The following C14orf180 variants were observed in gnomAD, a reference collection of about 807,000 sequenced individuals.
C14orf180 encodes nutritionally-regulated adipose and cardiac enriched protein homolog.
Under a neutral mutation model 13.9 loss-of-function variants are expected in C14orf180, and 13 were observed. The observed-to-expected ratio is 0.94, with a 90% CI of 0.61 to 1.49. The LOEUF (loss-of-function observed/expected upper bound fraction) is 1.49. Among genes scored for constraint, C14orf180 ranks in the 40% most tolerant of loss-of-function variants. The probability of loss-of-function intolerance (pLI) is 0.00; values close to 1 mark genes in which losing one functional copy is unlikely to be tolerated. For synonymous variants in C14orf180, 113 were observed against 106.3 expected, an observed-to-expected ratio of 1.06 and a Z score of -0.39; for missense variants, 238 against 232.0, an observed-to-expected ratio of 1.03 and a Z score of -0.17.
chr14:104,589,496 C>G lies in C14orf180; in HGVS notation c.*713C>G, dbSNP rs1886772900. The G allele has an allele frequency of 6.5e-6, 1 of 152,782 alleles. No homozygotes were observed. The highest frequency in any genetic ancestry group is 2.4e-5 in the African/African-American group (1 of 41,452). The allele number at this position is 152,782 out of a possible 1,614,324, so 9.5% of individuals were successfully genotyped here. A position where few individuals can be genotyped will look rare whatever the true frequency, so the allele number is the denominator to read the frequency against. ...AGCTCTGCAGGCCAGGCACACCCAG[C>G]TGAGCCCGGGGCCAGCCAGCACCAC... On this transcript the variant is annotated 3_prime_UTR_variant, in exon 5 of 5. Transcript: ENST00000557649. The surrounding 1 kb of genome is among the most constrained non-coding windows in gnomAD (Gnocchi z 4.9).
At position 104,588,308 on chromosome 14, in the gene C14orf180, G is replaced by A. The variant is rs1219114884; in HGVS notation, c.276G>A (p.Arg92=). 1.2e-6 allele frequency: 2 copies of A among 1,613,988 alleles called. No homozygotes were observed. The highest frequency in any genetic ancestry group is 4.5e-5 in the East Asian group (2 of 44,874). Residue 92 remains arginine (R), a splice_region_variant and synonymous_variant, in exon 4 of 5, where the codon AGG becomes AGA. Transcript: ENST00000557649. ...IADKNATATV[R]VPGRPRPHGG... ...ACAAGAACGCCACAGCCACTGTCAGGGGTGAGTTCTGAGCCCACATCCCTG... is the reference window on the plus strand; with the variant it reads ...ACAAGAACGCCACAGCCACTGTCAGAGGTGAGTTCTGAGCCCACATCCCTG...
chr14:104,588,541 C>T, intron 4 of C14orf180, 37 bp from the exon 5 acceptor site: 1 of 1,441,712 alleles, frequency 6.9e-7, no homozygotes, highest in Non-Finnish European at 9.1e-7. Flanking sequence ...AAGGGTCGCG[C>T]TGGCTGGCGC....
At position 104,588,452 on chromosome 14, in the gene C14orf180, A is replaced by C. The variant is rs535846589; in HGVS notation, c.278-126A>C. 13 of 1,484,002 alleles carry C rather than the reference A, an allele frequency of 8.8e-6. No individual in the cohort carries two copies. The South Asian group carries it at 1.2e-4, about 14-fold the overall frequency. The allele number at this position is 1,484,002 out of a possible 1,614,324, so 91.9% of individuals were successfully genotyped here. A position where few individuals can be genotyped will look rare whatever the true frequency, so the allele number is the denominator to read the frequency against. On this transcript the variant is annotated intron_variant, in intron 4 of 4. Transcript: ENST00000557649. ...GGAGCTCTTGTTGCAAGGAGACCCC[A>C]AGAGGCTAGGGAGGGGCCATGGGCA...
chr14:104,587,916 G>T, intron 3 of C14orf180, 38 bp downstream of exon 3: 2 of 1,580,210 alleles, frequency 1.3e-6, no homozygotes, highest in Non-Finnish European at 8.6e-7. Flanking sequence ...GGGAGAGGGT[G>T]GAGTCAAGCA....
intron 3 of C14orf180, 51 bp downstream of exon 3, chr14:104,587,929 G>C (rs1280527693): frequency 6.4e-7 from 1 of 1,556,018 alleles, no homozygotes; most frequent in Non-Finnish European, 8.7e-7. Flanking sequence ...GTCAAGCAGA[G>C]GGAGGCGGGG....
intron 1 of C14orf180, among the ~76,000 whole-genome samples, chr14:104,584,705 C>T (rs1416238740): frequency 6.6e-6 from 1 of 152,206 alleles, no homozygotes; most frequent in African/African-American, 2.4e-5. Context: ...GATAAGCCGC[C>T]CCTCCCCGCC....
rs1886780556 is a variant in C14orf180, at chr14:104,589,672, C to T, written c.*889C>T. Reference sequence around the variant, plus strand: ...GAGGGCTGAACAAAGCAGGGAGGCCCACGGTTAGACACCAGGCAGAACTGC... The same window carrying T: ...GAGGGCTGAACAAAGCAGGGAGGCCTACGGTTAGACACCAGGCAGAACTGC... On this transcript the variant is annotated 3_prime_UTR_variant, in exon 5 of 5. Coordinates refer to ENST00000557649, the MANE Select transcript of C14orf180 (RefSeq NM_001008404.3). This position sits in a 1 kb window ranked among gnomAD's most constrained non-coding sequence, Gnocchi z 4.9. 6.6e-6 allele frequency: 1 copy of T among 152,614 alleles called. No individual in the cohort carries two copies. Among genetic ancestry groups the T allele is most frequent in the South Asian group, 2.1e-4 (1 of 4,832 alleles). The allele number at this position is 152,614 out of a possible 1,614,324, so 9.5% of individuals were successfully genotyped here. A position where few individuals can be genotyped will look rare whatever the true frequency, so the allele number is the denominator to read the frequency against.
rs556492775 is a variant in C14orf180, at chr14:104,581,942, C to T, written c.-17+1939C>T. 2.8e-4 allele frequency among the ~76,000 whole-genome samples: 43 copies of T among 151,528 alleles called. No homozygotes were observed. In the South Asian group the frequency reaches 7.8e-3, roughly 27 times the overall value. On this transcript the variant is annotated intron_variant, in intron 1 of 4. Coordinates refer to ENST00000557649, the MANE Select transcript of C14orf180 (RefSeq NM_001008404.3). ...GGTGAGCCGGGAGTGTGGGGCCGCA[C>T]GCTCAGAGCCGAGGAAGGGCAGTGC... is the stretch of plus-strand genomic sequence containing the variant.
At chr14:104,588,389 T>C (rs542453612) in intron 4 of C14orf180, 80 bp downstream of exon 4, 1 of 1,573,046 alleles carries the variant, frequency 6.4e-7, no homozygotes, top group Non-Finnish European at 8.7e-7. Flanking sequence ...CCGAGGGAGG[T>C]GTCACAGGGC....
chr14:104,589,176 C>T lies in C14orf180; in HGVS notation c.*393C>T, dbSNP rs1225888875. ...GCACCCTCTTGAGGAGGGGGACACA[C>T]TGCCCGTGTTCAAGGGGCTGCTCGG... On this transcript the variant is annotated 3_prime_UTR_variant, in exon 5 of 5. Coordinates refer to ENST00000557649, the MANE Select transcript of C14orf180 (RefSeq NM_001008404.3). The surrounding 1 kb of genome is among the most constrained non-coding windows in gnomAD (Gnocchi z 4.9). 5.3e-6 allele frequency: 2 copies of T among 378,806 alleles called. No homozygotes were observed. The highest frequency in any genetic ancestry group is 9.3e-6 in the Non-Finnish European group (2 of 214,236). 23.5% of individuals were successfully genotyped at this position (378,806 alleles called of 1,614,324 possible).
intron 2 of C14orf180, among the ~76,000 whole-genome samples, chr14:104,587,429 T>C (rs1886666092): frequency 6.6e-6 from 1 of 152,108 alleles, no homozygotes; most frequent in Non-Finnish European, 1.5e-5. Context: ...CCTGTCCACA[T>C]GTCCTGGGGA....
At chr14:104,588,364 A>C in intron 4 of C14orf180, 55 bp downstream of exon 4, 1 of 1,605,552 alleles carries the variant, frequency 6.2e-7, no homozygotes, top group South Asian at 1.1e-5. Context: ...GGGTGCACCC[A>C]CCCTCACTCC....
intron 3 of C14orf180, 139 bp downstream of exon 3, chr14:104,588,017 C>A (rs1886694804): frequency 2.6e-6 from 3 of 1,165,204 alleles, no homozygotes; most frequent in African/African-American, 1.6e-5. Context: ...AGTGCCACAA[C>A]CCCTGTAAGA....
At position 104,588,962 on chromosome 14, in the gene C14orf180, A is replaced by T; in HGVS notation, c.*179A>T. The T allele has an allele frequency of 7.4e-7, 1 of 1,348,256 alleles. No individual in the cohort carries two copies. The highest frequency in any genetic ancestry group is 9.8e-7 in the Non-Finnish European group (1 of 1,021,140). 83.5% of individuals were successfully genotyped at this position (1,348,256 alleles called of 1,614,324 possible). ...TGGCGTGAGATCGGACATGGGGGGC[A>T]CAGCAGGCGGCCCCGCCACACTAGT... is the stretch of plus-strand genomic sequence containing the variant. On this transcript the variant is annotated 3_prime_UTR_variant, in exon 5 of 5. Coordinates refer to ENST00000557649, the MANE Select transcript of C14orf180 (RefSeq NM_001008404.3).
intron 4 of C14orf180, 43 bp downstream of exon 4, chr14:104,588,352 G>T: frequency 6.2e-7 from 1 of 1,612,742 alleles, no homozygotes. Flanking sequence ...TGCCCCCTCC[G>T]TGGGTGCACC....
At chr14:104,582,426 C>A (rs1030634218) in intron 1 of C14orf180, among the ~76,000 whole-genome samples, 1 of 152,154 alleles carries the variant, frequency 6.6e-6, no homozygotes, top group African/African-American at 2.4e-5. Flanking sequence ...GAGGTGGGGT[C>A]TTTGGGGTAC....
chr14:104,587,599 C>G, intron 2 of C14orf180, 150 bp from the exon 3 acceptor site: 1 of 793,754 alleles, frequency 1.3e-6, no homozygotes, highest in South Asian at 2.0e-5. Context: ...TGCCCCTCAC[C>G]CTACAGGAAG....
At chr14:104,581,912 C>T (rs1026776961) in intron 1 of C14orf180, among the ~76,000 whole-genome samples, 5 of 152,064 alleles carry the variant, frequency 3.3e-5, no homozygotes, top group East Asian at 1.9e-4. Context: ...CAGTGCCAGG[C>T]GAGGGGTGAG....
intron 2 of C14orf180, 27 bp from the exon 3 acceptor site, chr14:104,587,722 C>T (rs1371773913): frequency 1.2e-6 from 2 of 1,609,940 alleles, no homozygotes; most frequent in East Asian, 2.2e-5. Flanking sequence ...CGGGGACTCA[C>T]CAGTCTGCTT....
Sources: allele counts gnomAD v4.1 joint callset (sites outside exome capture counted in the v4.1 genomes callset), GRCh38; gene constraint gnomAD v4.1.1; non-coding constraint Gnocchi (gnomAD v3.1); transcripts MANE v1.5; gene names NCBI Gene and HGNC (gene_info 2026-07-23, HGNC 2026-07-21).